The following SUGCT variants were observed in gnomAD, a reference collection of about 807,000 sequenced individuals.
SUGCT encodes the protein succinyl-CoA:glutarate-CoA transferase, also known as succinyl-CoA:glutarate CoA-transferase.
Under a neutral mutation model 55.0 loss-of-function variants are expected in SUGCT, and 41 were observed. The ratio of observed to expected loss-of-function variants is 0.74; its 90% CI spans 0.58 to 0.97. SUGCT has a LOEUF of 0.97. SUGCT is among the 50% of genes least tolerant of loss of function. SUGCT has a pLI of 0.00. For synonymous variants in SUGCT, 187 were observed against 200.4 expected (o/e 0.93, Z 0.56); for missense variants, 568 against 547.8 (o/e 1.04, Z -0.37).
chr7:40,443,546 C>G (rs1788637460), intron 9 of SUGCT, among the ~76,000 whole-genome samples: 1 of 152,138 alleles, frequency 6.6e-6, no homozygotes, highest in Non-Finnish European at 1.5e-5. Context: ...TGTTCATATC[C>G]TTTGCCCACT....
At chr7:40,743,832 C>T (rs1055003645) in intron 12 of SUGCT, among the ~76,000 whole-genome samples, 1 of 152,174 alleles carries the variant, frequency 6.6e-6, no homozygotes, top group African/African-American at 2.4e-5. Flanking sequence ...GCTTTATACT[C>T]ATCATTGCAC....
intron 13 of SUGCT, among the ~76,000 whole-genome samples, chr7:40,803,149 T>C (rs955625025): frequency 1.3e-5 from 2 of 152,240 alleles, no homozygotes; most frequent in African/African-American, 4.8e-5. Flanking sequence ...TTATACTTCA[T>C]TCCTTTTCTT....
intron 13 of SUGCT, among the ~76,000 whole-genome samples, chr7:40,813,918 A>T (rs1258519718): frequency 6.6e-6 from 1 of 152,132 alleles, no homozygotes; most frequent in Non-Finnish European, 1.5e-5. Context: ...GTCTAGTGGT[A>T]ATGAATTCCT....
chr7:40,626,471 C>T (rs1176032605), intron 12 of SUGCT, among the ~76,000 whole-genome samples: 1 of 150,844 alleles, frequency 6.6e-6, no homozygotes, highest in East Asian at 2.0e-4. Flanking sequence ...CCAGGATGGT[C>T]TCGATCTCTT....
intron 12 of SUGCT, among the ~76,000 whole-genome samples, chr7:40,740,430 CTTTTATG>C (rs1787399949): frequency 6.7e-6 from 1 of 149,910 alleles, no homozygotes; most frequent in Admixed American, 6.6e-5. Context: ...ATCTGTGTGC[CTTTTATG>C]TTTTTCTTTT....
chr7:40,263,395 C>T (rs192718231), intron 7 of SUGCT, among the ~76,000 whole-genome samples: 16 of 152,212 alleles, frequency 1.1e-4, no homozygotes, highest in Admixed American at 8.5e-4. Context: ...TTATTAAGTG[C>T]AAAATATTTA....
chr7:40,658,522 C>T (rs758018481), intron 12 of SUGCT, among the ~76,000 whole-genome samples: 35 of 152,072 alleles, frequency 2.3e-4, no homozygotes, highest in African/African-American at 5.3e-4. Context: ...TCCTTATCTG[C>T]GGGTCAGGGA....
chr7:40,354,524 A>G (rs1159131035), intron 9 of SUGCT, among the ~76,000 whole-genome samples: 1 of 152,210 alleles, frequency 6.6e-6, no homozygotes, highest in Non-Finnish European at 1.5e-5. Flanking sequence ...AAATTCTTCT[A>G]TCTCTTTTTC....
rs551646929 is a variant in SUGCT, at chr7:40,291,931, C to T, written c.720+17275C>T. On this transcript the variant is annotated intron_variant, in intron 8 of 13. Transcript: ENST00000335693. ...AAGGAAACAGATTCTCACTTGAGAGCCTCCAGAAGGAACCAGCTTTGTCGA... is the reference window on the plus strand; with the variant it reads ...AAGGAAACAGATTCTCACTTGAGAGTCTCCAGAAGGAACCAGCTTTGTCGA... Among the ~76,000 whole-genome samples the T allele has an allele frequency of 2.2e-4, 34 of 152,258 alleles. 1 individual carries two copies. The South Asian group carries it at 5.0e-3, about 22-fold the overall frequency.
chr7:40,439,215 T>C (rs1466198772), intron 9 of SUGCT, among the ~76,000 whole-genome samples: 1 of 150,116 alleles, frequency 6.7e-6, no homozygotes, highest in Non-Finnish European at 1.5e-5. Flanking sequence ...GCCTCACTCC[T>C]TTAATCACTG....
At chr7:40,952,108 A>C in the SUGCT span, among the ~76,000 whole-genome samples, 1 of 152,108 alleles carries the variant, frequency 6.6e-6, no homozygotes, top group Non-Finnish European at 1.5e-5. Flanking sequence ...GTAGGTCTCT[A>C]AGGACTTGCT....
At chr7:40,205,640 C>CAAAAAAAAA (rs67396482) in intron 6 of SUGCT, among the ~76,000 whole-genome samples, 1 of 77,462 alleles carries the variant, frequency 1.3e-5, no homozygotes, top group African/African-American at 4.8e-5. Flanking sequence ...AACTTCATCT[C>CAAAAAAAAA]AAAAAAAAAA....
chr7:40,865,834 T>C, the SUGCT span, among the ~76,000 whole-genome samples: 1 of 152,192 alleles, frequency 6.6e-6, no homozygotes, highest in Non-Finnish European at 1.5e-5. Context: ...TCCAGAAGGA[T>C]GGTGCCCTCA....
intron 5 of SUGCT, 91 bp from the exon 6 acceptor site, chr7:40,194,849 A>G (rs1273918577): frequency 1.4e-6 from 2 of 1,430,080 alleles, no homozygotes; most frequent in African/African-American, 1.4e-5. Context: ...CTGAGCTATT[A>G]CAAAGGGAGA....
At chr7:40,265,993 C>T (rs1028745024) in intron 7 of SUGCT, among the ~76,000 whole-genome samples, 2 of 151,694 alleles carry the variant, frequency 1.3e-5, no homozygotes, top group African/African-American at 4.8e-5. Context: ...AAAACAAAAA[C>T]CTTCACAGGT....
chr7:40,195,140 TGGC>T, intron 6 of SUGCT, 80 bp downstream of exon 6: 1 of 1,356,666 alleles, frequency 7.4e-7, no homozygotes. Flanking sequence ...AACCTTTTGC[TGGC>T]TTTTTTTTTT....
rs190769362 is a variant in SUGCT, at chr7:40,278,940, C to T, written c.720+4284C>T. On this transcript the variant is annotated intron_variant, in intron 8 of 13. Coordinates refer to ENST00000335693, the MANE Select transcript of SUGCT (RefSeq NM_001193313.2). The stretch of plus-strand genomic sequence containing the variant: ...CTCCTGGGCTCAAACAATCCTCCTT[C>T]CTCAGCTTCCCTAGTGGTTCGGACT... Among the ~76,000 whole-genome samples, 62 of 151,928 alleles carry T rather than the reference C, an allele frequency of 4.1e-4. No homozygotes were observed. In the East Asian group the frequency reaches 9.5e-3, roughly 23 times the overall value.
the SUGCT span, among the ~76,000 whole-genome samples, chr7:41,021,105 C>G: frequency 6.6e-6 from 1 of 152,170 alleles, no homozygotes; most frequent in Non-Finnish European, 1.5e-5. Flanking sequence ...GTACAACAAG[C>G]TTGCACTATC....
chr7:40,903,178 C>T, the SUGCT span, among the ~76,000 whole-genome samples: 9 of 151,954 alleles, frequency 5.9e-5, no homozygotes, highest in Non-Finnish European at 5.9e-5. Flanking sequence ...ACTATAGGCG[C>T]GTGTCACCAC....
Sources: gnomAD v4.1 joint callset for allele counts (sites outside exome capture counted in the v4.1 genomes callset) on GRCh38, gnomAD v4.1.1 for gene constraint, MANE v1.5 for transcripts, NCBI Gene and HGNC (gene_info 2026-07-23, HGNC 2026-07-21) for gene names.